Variants in MICALL2 observed in about 807,000 individuals in gnomAD.
MICALL2 encodes the protein MICAL like 2, also known as MICAL-like protein 2.
Under a neutral mutation model 91.1 loss-of-function variants are expected in MICALL2, and 111 were observed. That is an observed-to-expected ratio of 1.22 (90% confidence interval 1.04 to 1.43). The LOEUF is 1.43. MICALL2 is among the 40% of genes most tolerant of loss of function. The probability of loss-of-function intolerance (pLI) is 0.00; values close to 1 mark genes in which losing one functional copy is unlikely to be tolerated. For missense variants in MICALL2, 1,556 were observed against 1,236.0 expected, an observed-to-expected ratio of 1.26 and a Z score of -3.88; for synonymous variants, 694 against 525.3, an observed-to-expected ratio of 1.32 and a Z score of -4.39.
intron 6 of MICALL2, among the ~76,000 whole-genome samples, chr7:1,442,892 G>A (rs960514940): frequency 8.5e-5 from 13 of 152,184 alleles, no homozygotes; most frequent in South Asian, 4.1e-4. Context: ...AGGCTGGGCC[G>A]GCCTGGGCTG....
intron 2 of MICALL2, among the ~76,000 whole-genome samples, 185 bp downstream of exon 2, chr7:1,450,055 T>C (rs1040508634): frequency 6.6e-6 from 1 of 152,188 alleles, no homozygotes; most frequent in Non-Finnish European, 1.5e-5. Flanking sequence ...TAAGAGGCTA[T>C]TTCTAGAACG....
chr7:1,442,552 G>A (rs546118373), intron 6 of MICALL2, 68 bp from the exon 7 acceptor site: 35 of 1,429,306 alleles, frequency 2.4e-5, no homozygotes, highest in Middle Eastern at 1.9e-4. Flanking sequence ...ACCCGAGGCC[G>A]CCCCTCTGCC....
rs928544966 is a variant in MICALL2, at chr7:1,451,299, GC to G, written c.144-1012del. 6.6e-6 allele frequency among the ~76,000 whole-genome samples: 1 copy of G among 152,134 alleles called. No individual in the cohort carries two copies. The highest frequency in any genetic ancestry group is 1.5e-5 in the Non-Finnish European group (1 of 68,016). ...CAAGATCCCAGGAGGCCCCAGCCCA[GC>G]CCCAGGCCCTCCGACAAAAACCACC... On this transcript the variant is annotated intron_variant, in intron 1 of 16. Coordinates refer to ENST00000297508, the MANE Select transcript of MICALL2 (RefSeq NM_182924.4). This position sits in a 1 kb window ranked among gnomAD's most constrained non-coding sequence, Gnocchi z 4.5.
chr7:1,435,473 CCA>C (rs1779923758), intron 15 of MICALL2, among the ~76,000 whole-genome samples: 3 of 152,130 alleles, frequency 2.0e-5, no homozygotes, highest in Admixed American at 2.0e-4. Flanking sequence ...CCTGGGCCGA[CCA>C]CACCGGTGAC....
chr7:1,448,998 C>T (rs554997621), intron 2 of MICALL2, among the ~76,000 whole-genome samples: 1 of 152,324 alleles, frequency 6.6e-6, no homozygotes, highest in Admixed American at 6.5e-5. Flanking sequence ...GCTCAAGGCC[C>T]CGTCCAGGTG....
chr7:1,455,945 G>A (rs1232109305), intron 1 of MICALL2, among the ~76,000 whole-genome samples: 1 of 151,954 alleles, frequency 6.6e-6, no homozygotes, highest in Admixed American at 6.5e-5. Flanking sequence ...GAGGACAACC[G>A]GTCTGTGCCT....
intron 10 of MICALL2, 145 bp downstream of exon 10, chr7:1,438,695 G>C: frequency 2.0e-6 from 3 of 1,474,506 alleles, no homozygotes; most frequent in Non-Finnish European, 2.7e-6. Flanking sequence ...CGGGCCTGGG[G>C]CACGGGGCTG....
intron 11 of MICALL2, 21 bp from the exon 12 acceptor site, chr7:1,438,241 A>G (rs1584198421): frequency 6.3e-7 from 1 of 1,588,576 alleles, no homozygotes. Context: ...AGGGGCGGTG[A>G]GGATGCCGGA....
chr7:1,437,779 C>G, intron 13 of MICALL2, 111 bp downstream of exon 13: 1 of 1,256,698 alleles, frequency 8.0e-7, no homozygotes, highest in Non-Finnish European at 1.1e-6. Context: ...CTGGACCTGC[C>G]GCACAGACAT....
At position 1,447,585 on chromosome 7, in the gene MICALL2, G is replaced by C. The variant is rs1562462765; in HGVS notation, c.515C>G (p.Pro172Arg). ...GGGGTGGGAGCTTACAGTCTTGGGG[G>C]GCGGGCCCCCTGCACCCTCATTCCT... ...QRRNEGAGGP[P>R]PKTDQALAGS... Residue 172 changes from proline (P) to arginine (R), a missense_variant, in exon 4 of 17, where the codon CCC becomes CGC. Coordinates refer to ENST00000297508, the MANE Select transcript of MICALL2 (RefSeq NM_182924.4). The C allele has an allele frequency of 6.4e-7, 1 of 1,567,132 alleles. No individual in the cohort carries two copies. The highest frequency in any genetic ancestry group is 1.4e-5 in the African/African-American group (1 of 73,850).
intron 4 of MICALL2, 22 bp downstream of exon 4, chr7:1,447,553 G>A: frequency 7.1e-7 from 1 of 1,415,226 alleles, no homozygotes; most frequent in Non-Finnish European, 9.6e-7. Flanking sequence ...AGAACCAGGG[G>A]GAGGGTGGGG....
intron 15 of MICALL2, among the ~76,000 whole-genome samples, 191 bp downstream of exon 15, chr7:1,436,551 C>CAAAA (rs59955608): frequency 2.7e-5 from 2 of 74,480 alleles, no homozygotes; most frequent in Admixed American, 2.8e-4. Context: ...GACTCTGTCT[C>CAAAA]AAAAAAAAAA....
At chr7:1,458,429 G>A (rs1781095959) in intron 1 of MICALL2, among the ~76,000 whole-genome samples, 2 of 152,230 alleles carry the variant, frequency 1.3e-5, no homozygotes, top group Non-Finnish European at 2.9e-5. Flanking sequence ...CCCCAGCCCC[G>A]ACACACAGAT....
In MICALL2 at chr7:1,455,813, G is replaced by A. The variant is rs147927262; in HGVS notation, c.143+3371C>T. Among the ~76,000 whole-genome samples, 1,443 of 152,100 alleles carry A rather than the reference G, an allele frequency of 9.5e-3. 23 individuals are homozygous for A. Among genetic ancestry groups the A allele is most frequent in the African/African-American group, 0.033 (1,361 of 41,556 alleles). On this transcript the variant is annotated intron_variant, in intron 1 of 16. Transcript: ENST00000297508. ...AAGGGAAGGACTTCCTGGTGGCAGA[G>A]CTACAGACAGGGAGACAGGACGTCC...
At chr7:1,458,107 G>T (rs903836970) in intron 1 of MICALL2, among the ~76,000 whole-genome samples, 77 of 152,380 alleles carry the variant, frequency 5.1e-4, no homozygotes, top group African/African-American at 1.8e-3. Context: ...TCAGAGCAGG[G>T]GCCGAGGCTG....
At position 1,434,656 on chromosome 7, in the gene MICALL2, C is replaced by A; in HGVS notation, c.2655G>T (p.Lys885Asn). The A allele has an allele frequency of 6.4e-7, 1 of 1,565,970 alleles. No homozygotes were observed. The highest frequency in any genetic ancestry group is 8.6e-7 in the Non-Finnish European group (1 of 1,159,808). Residue 885 changes from lysine to asparagine, a missense_variant, in exon 17 of 17, where the codon AAG becomes AAT. Coordinates refer to ENST00000297508, the MANE Select transcript of MICALL2 (RefSeq NM_182924.4). ...AGATCTTGGACAAGCGGAACTTGGA[C>A]TTCTTCCTCTGGAGGCCTAGGGGAC... ...MIEKLGLQRKKSKFRLSKIWS... is the reference protein window; with the variant it reads ...MIEKLGLQRKNSKFRLSKIWS...
Position 1,437,253 on chromosome 7 carries a change from C to T in MICALL2, c.2476+282G>A, listed in dbSNP as rs889768862. 14 of 524,478 alleles carry T rather than the reference C, an allele frequency of 2.7e-5. No homozygotes were observed. In the South Asian group the frequency reaches 2.7e-4, roughly 10 times the overall value. 32.5% of individuals were successfully genotyped at this position (524,478 alleles called of 1,614,324 possible). The stretch of plus-strand genomic sequence containing the variant: ...CTGCTGCTACACTAAATGCCTTGTG[C>T]GAATTGATTCGTTTAATCCTCACAA... On this transcript the variant is annotated intron_variant, in intron 14 of 16. Transcript: ENST00000297508.
chr7:1,444,920 C>T lies in MICALL2; in HGVS notation c.1150G>A (p.Val384Met), dbSNP rs202171352. Residue 384 changes from valine (V) to methionine (M), a missense_variant, in exon 6 of 17, where the codon GTG becomes ATG. By Grantham distance (21) the Val-to-Met change is conservative. Coordinates refer to ENST00000297508, the MANE Select transcript of MICALL2 (RefSeq NM_182924.4). Reference protein sequence around the residue: ...ATPQGGGAPRVAAPQTTLSSS... With the variant: ...ATPQGGGAPRMAAPQTTLSSS... ...CTGAGTGTGGTTTGAGGAGCTGCCA[C>T]TCGGGGGGCTCCCCCACCCTGGGGT... 1.7e-3 allele frequency: 2,555 copies of T among 1,537,462 alleles called. No homozygotes were observed. Among genetic ancestry groups the T allele is most frequent in the Non-Finnish European group, 2.1e-3 (2,394 of 1,145,484 alleles).
chr7:1,446,934 G>T, intron 4 of MICALL2, 106 bp from the exon 5 acceptor site: 1 of 801,810 alleles, frequency 1.2e-6, no homozygotes, highest in Non-Finnish European at 1.9e-6. Context: ...TGGAGAACTG[G>T]CCAGGAGAGG....
Sources: allele counts gnomAD v4.1 joint callset (sites outside exome capture counted in the v4.1 genomes callset), GRCh38; gene constraint gnomAD v4.1.1; non-coding constraint Gnocchi (gnomAD v3.1); transcripts MANE v1.5; gene names NCBI Gene and HGNC (gene_info 2026-07-23, HGNC 2026-07-21).